The following TXNRD1 variants were observed in gnomAD, a reference collection of about 807,000 sequenced individuals.
TXNRD1 encodes thioredoxin reductase 1, cytoplasmic.
Under a neutral mutation model 80.3 loss-of-function variants are expected in TXNRD1, and 57 were observed. The ratio of observed to expected loss-of-function variants is 0.71; its 90% confidence interval spans 0.57 to 0.89. The LOEUF (loss-of-function observed/expected upper bound fraction) is 0.89. Ranked by LOEUF, TXNRD1 falls within the 40% of genes least tolerant of loss-of-function variation. TXNRD1 has a pLI of 0.00. For missense variants in TXNRD1, 730 were observed against 803.0 expected (o/e 0.91, Z 1.10); for synonymous variants, 291 against 285.2 (o/e 1.02, Z -0.20).
chr12:104,288,742 A>G, intron 3 of TXNRD1, 189 bp from the exon 4 acceptor site: 1 of 1,458,012 alleles, frequency 6.9e-7, no homozygotes. Context: ...CCGGGGTCAG[A>G]CTCCAAGCTT....
intron 1 of TXNRD1, among the ~76,000 whole-genome samples, chr12:104,238,589 A>G (rs2032789115): frequency 6.6e-6 from 1 of 152,074 alleles, no homozygotes; most frequent in Non-Finnish European, 1.5e-5. Flanking sequence ...AGTGTTTTTT[A>G]TCATGAAAGG....
intron 4 of TXNRD1, among the ~76,000 whole-genome samples, chr12:104,290,720 C>CATACATATAT (rs1168559341): frequency 1.8e-5 from 1 of 55,874 alleles, no homozygotes; most frequent in Non-Finnish European, 3.4e-5. Flanking sequence ...AAGAAATATA[C>CATACATATAT]ATATATATAT....
At chr12:104,286,163 G>A (rs1039193399) in intron 3 of TXNRD1, 1 of 152,150 alleles carries the variant, frequency 6.6e-6, no homozygotes, top group Non-Finnish European at 1.5e-5. Context: ...CCAAAGAAGT[G>A]GGAAAGACAT....
intron 1 of TXNRD1, among the ~76,000 whole-genome samples, chr12:104,245,329 T>C (rs916356749): frequency 2.0e-5 from 3 of 151,174 alleles, no homozygotes; most frequent in Non-Finnish European, 4.4e-5. Context: ...CTGACCAACA[T>C]AGTGAAACCC....
At chr12:104,306,049 G>A (rs78368526) in intron 4 of TXNRD1, among the ~76,000 whole-genome samples, 1,926 of 152,202 alleles carry the variant, frequency 0.013, 36 homozygotes, top group African/African-American at 0.041. Context: ...GATTACAGGT[G>A]TGTGCCATCA....
At chr12:104,335,686 G>T (rs1384136670) in intron 15 of TXNRD1, among the ~76,000 whole-genome samples, 1 of 152,068 alleles carries the variant, frequency 6.6e-6, no homozygotes, top group East Asian at 1.9e-4. Flanking sequence ...TAAGAAAACT[G>T]ATCTTTTTAA....
chr12:104,339,123 T>A lies in TXNRD1; in HGVS notation c.1747-16T>A, dbSNP rs2036239635. 3 of 1,422,400 alleles carry A rather than the reference T, an allele frequency of 2.1e-6. No homozygotes were observed. Among genetic ancestry groups the A allele is most frequent in the Non-Finnish European group, 2.9e-6 (3 of 1,050,026 alleles). 88.1% of individuals were successfully genotyped at this position (1,422,400 alleles called of 1,614,324 possible). A position where few individuals can be genotyped will look rare whatever the true frequency, so the allele number is the denominator to read the frequency against. On this transcript the variant is annotated splice_polypyrimidine_tract_variant and intron_variant, in intron 15 of 16. Coordinates refer to ENST00000525566, the MANE Select transcript of TXNRD1 (RefSeq NM_001093771.3). ...AAATCAGCTTAATTGCATTATTGTA[T>A]TTTTTTTTGCCTTAGGAACGTGTTG...
chr12:104,223,640 T>C (rs2032403395), intron 1 of TXNRD1, among the ~76,000 whole-genome samples: 1 of 152,180 alleles, frequency 6.6e-6, no homozygotes, highest in Non-Finnish European at 1.5e-5. Context: ...TAAAAATCCT[T>C]ACCTGTGGGA....
At chr12:104,285,315 C>T (rs763239154) in intron 3 of TXNRD1, among the ~76,000 whole-genome samples, 2 of 152,124 alleles carry the variant, frequency 1.3e-5, no homozygotes, top group Non-Finnish European at 2.9e-5. Flanking sequence ...AAGGGTAAGG[C>T]ATCTGGGCTC....
chr12:104,237,859 A>G (rs1447007956), intron 1 of TXNRD1, among the ~76,000 whole-genome samples: 1 of 152,008 alleles, frequency 6.6e-6, no homozygotes, highest in East Asian at 1.9e-4. Flanking sequence ...AATAATACAA[A>G]AATTAGCTGG....
At chr12:104,302,390 T>G (rs927239953) in intron 4 of TXNRD1, among the ~76,000 whole-genome samples, 3 of 152,080 alleles carry the variant, frequency 2.0e-5, no homozygotes, top group Non-Finnish European at 4.4e-5. Context: ...GTGTCTTTTT[T>G]TTTTTAAGGT....
chr12:104,326,459 GAT>G, intron 12 of TXNRD1, 36 bp downstream of exon 12: 4 of 810,574 alleles, frequency 4.9e-6, no homozygotes, highest in Non-Finnish European at 5.4e-6. Flanking sequence ...ATATTTGTGG[GAT>G]TTTTTTTTTT....
At chr12:104,341,184 A>G (rs947174549) in intron 16 of TXNRD1, among the ~76,000 whole-genome samples, 3 of 152,168 alleles carry the variant, frequency 2.0e-5, no homozygotes, top group Non-Finnish European at 2.9e-5. Context: ...TCTCCTTGGT[A>G]TGCCTGGCAC....
chr12:104,286,312 G>T (rs998484657), intron 3 of TXNRD1, among the ~76,000 whole-genome samples: 1 of 152,158 alleles, frequency 6.6e-6, no homozygotes, highest in Admixed American at 6.5e-5. Context: ...GTAGCTGCAG[G>T]TGGCTGGGTG....
intron 1 of TXNRD1, among the ~76,000 whole-genome samples, chr12:104,226,661 G>A (rs143965525): frequency 4.6e-5 from 7 of 152,244 alleles, no homozygotes; most frequent in Middle Eastern, 3.4e-3. Context: ...GCACCTATGC[G>A]CCTTAGTTCC....
At position 104,321,096 on chromosome 12, in the gene TXNRD1, A is replaced by G; in HGVS notation, c.995A>G (p.Asp332Gly). 1.3e-6 allele frequency: 2 copies of G among 1,575,332 alleles called. No homozygotes were observed. The highest frequency in any genetic ancestry group is 1.7e-6 in the Non-Finnish European group (2 of 1,161,322). ...GDKEYCISSD[D>G]LFSLPYCPGK... is the part of the protein sequence containing the mutation. ...TTTTTTTTTTTTTCCCCCAGTGATG[A>G]TCTTTTCTCCTTGCCTTACTGCCCG... The change falls in exon 10 of 17, where the codon GAT (aspartate) becomes GGT (glycine). Residue 332 changes from aspartate to glycine, a missense_variant. By Grantham distance (94) the Asp-to-Gly change is moderately conservative (BLOSUM62 -1). Transcript: ENST00000525566.
At position 104,288,878 on chromosome 12, in the gene TXNRD1, G is replaced by C. The variant is rs755549501; in HGVS notation, c.305-53G>C. The C allele has an allele frequency of 4.3e-6, 7 of 1,613,604 alleles. No individual in the cohort carries two copies. In the East Asian group the frequency reaches 1.6e-4, roughly 36 times the overall value. On this transcript the variant is annotated intron_variant, in intron 3 of 16. Transcript: ENST00000525566. ...CCCGCCCCCGGCGCAGTTCCCGCCT[G>C]TTAGCGGGGGAGAAGCACCTTACAC... is the stretch of plus-strand genomic sequence containing the variant.
intron 3 of TXNRD1, chr12:104,265,702 A>G: frequency 6.2e-7 from 1 of 1,603,326 alleles, no homozygotes; most frequent in Non-Finnish European, 8.5e-7. Context: ...GGTGGAGGAG[A>G]TCGCGGCCAG....
intron 3 of TXNRD1, among the ~76,000 whole-genome samples, chr12:104,274,600 G>A (rs921531579): frequency 2.0e-4 from 30 of 151,814 alleles, no homozygotes; most frequent in African/African-American, 7.3e-4. Context: ...TCGGTAGGCT[G>A]AGGCAGGAGA....
Sources: allele counts gnomAD v4.1 joint callset (sites outside exome capture counted in the v4.1 genomes callset), GRCh38; gene constraint gnomAD v4.1.1; transcripts MANE v1.5; gene names NCBI Gene and HGNC (gene_info 2026-07-23, HGNC 2026-07-21).